EDNRB: variants seen among roughly 807,000 people sequenced by gnomAD.
The protein encoded by EDNRB is endothelin receptor type B, also known as Hirschsprung disease 2.
Under a neutral mutation model 46.4 loss-of-function variants are expected in EDNRB, and 18 were observed. The observed-to-expected ratio is 0.39, with a 90% CI of 0.27 to 0.57. The LOEUF (loss-of-function observed/expected upper bound fraction) is 0.57. Ranked by LOEUF, EDNRB falls within the 20% of genes least tolerant of loss-of-function variation. EDNRB has a pLI of 0.61. For missense variants in EDNRB, 434 were observed against 537.5 expected (o/e 0.81, Z 1.90); for synonymous variants, 213 against 204.9 (o/e 1.04, Z -0.34).
At chr13:77,925,730 C>A (rs1008397347) in intron 1 of EDNRB, among the ~76,000 whole-genome samples, 1 of 152,238 alleles carries the variant, frequency 6.6e-6, no homozygotes, top group African/African-American at 2.4e-5. Context: ...GGAGCCCCCA[C>A]ACAGAGTCCC....
chr13:77,925,216 A>G (rs986886459), intron 1 of EDNRB, among the ~76,000 whole-genome samples: 17 of 152,268 alleles, frequency 1.1e-4, no homozygotes, highest in Non-Finnish European at 1.8e-4. Context: ...ATGGTGTAGC[A>G]TATGACAGGC....
intron 3 of EDNRB, 32 bp downstream of exon 3, chr13:77,903,124 G>A (rs778871426): frequency 6.2e-7 from 1 of 1,607,364 alleles, no homozygotes; most frequent in East Asian, 2.2e-5. Flanking sequence ...TAAGGCAAGA[G>A]CAGAAAGGAA....
Position 77,897,881 on chromosome 13 carries a change from C to T in EDNRB, c.*319G>A, listed in dbSNP as rs1299181813. The stretch of plus-strand genomic sequence containing the variant: ...TCTCTTTTTAGAAAGAATAGAAATT[C>T]TGAGTGAGCTCATTTTTAAGCCTAA... On this transcript the variant is annotated 3_prime_UTR_variant, in exon 7 of 7. Coordinates refer to ENST00000646607, the MANE Select transcript of EDNRB (RefSeq NM_001122659.3). 1 of 1,045,612 alleles carries T rather than the reference C, an allele frequency of 9.6e-7. No individual in the cohort carries two copies. The highest frequency in any genetic ancestry group is 8.3e-5 in the East Asian group (1 of 12,000). The allele number at this position is 1,045,612 out of a possible 1,614,324, so 64.8% of individuals were successfully genotyped here. A position where few individuals can be genotyped will look rare whatever the true frequency, so the allele number is the denominator to read the frequency against.
chr13:77,954,779 T>TTAC (rs1171978253), intron 1 of EDNRB, among the ~76,000 whole-genome samples: 1 of 152,156 alleles, frequency 6.6e-6, no homozygotes, highest in Non-Finnish European at 1.5e-5. Context: ...AGTGCTGGGA[T>TTAC]TACAGGTGTG....
Position 77,941,570 on chromosome 13 carries a change from C to A in EDNRB, c.-51-22946G>T, listed in dbSNP as rs1346083328. Reference sequence around the variant, plus strand: ...ATTAGCTAGCTCATTTTCCTCACAGCAGCTTCATATCTATTTTACAGATGA... The same window carrying A: ...ATTAGCTAGCTCATTTTCCTCACAGAAGCTTCATATCTATTTTACAGATGA... On this transcript the variant is annotated intron_variant, in intron 1 of 7. Coordinates refer to the EDNRB transcript ENST00000646948. Among the ~76,000 whole-genome samples the A allele has an allele frequency of 3.3e-5, 5 of 152,198 alleles. No homozygotes were observed. The East Asian group carries it at 5.8e-4, about 18-fold the overall frequency.
At chr13:77,949,378 AG>A (rs1262130614) in intron 1 of EDNRB, among the ~76,000 whole-genome samples, 1 of 152,182 alleles carries the variant, frequency 6.6e-6, no homozygotes, top group East Asian at 1.9e-4. Flanking sequence ...GTCTGAGATG[AG>A]GGTTCCCTGT....
chr13:77,906,418 C>T (rs562138704), intron 1 of EDNRB, among the ~76,000 whole-genome samples: 2 of 152,148 alleles, frequency 1.3e-5, no homozygotes, highest in Admixed American at 1.3e-4. Context: ...ATTTCCCTGC[C>T]TTTGAATGTG....
At chr13:77,968,882 G>A (rs1260865932) in intron 1 of EDNRB, among the ~76,000 whole-genome samples, 1 of 152,038 alleles carries the variant, frequency 6.6e-6, no homozygotes. Context: ...ATTTTTTTCA[G>A]GTCTCAGATT....
intron 1 of EDNRB, among the ~76,000 whole-genome samples, chr13:77,951,347 A>C (rs79689465): frequency 2.6e-5 from 4 of 152,178 alleles, no homozygotes; most frequent in African/African-American, 4.8e-5. Context: ...AGTGCTTCTC[A>C]ATCACACCTA....
chr13:77,906,865 C>A (rs2329046), intron 1 of EDNRB, among the ~76,000 whole-genome samples: 82,120 of 151,778 alleles, frequency 0.54, 22,986 homozygotes, highest in Non-Finnish European at 0.62. Context: ...TTAGGAAACC[C>A]ACATGCCTGC....
At chr13:77,929,430 C>A (rs566030131) in intron 1 of EDNRB, among the ~76,000 whole-genome samples, 2 of 152,258 alleles carry the variant, frequency 1.3e-5, no homozygotes, top group East Asian at 3.9e-4. Flanking sequence ...CATAATGTAA[C>A]GTATGTCCTC....
intron 1 of EDNRB, among the ~76,000 whole-genome samples, chr13:77,962,652 A>G (rs1370007666): frequency 6.6e-6 from 1 of 152,196 alleles, no homozygotes; most frequent in Non-Finnish European, 1.5e-5. Flanking sequence ...TGACAAACTC[A>G]CAGCCAGTAT....
intron 1 of EDNRB, among the ~76,000 whole-genome samples, chr13:77,966,827 T>G (rs1223449634): frequency 6.6e-6 from 1 of 152,196 alleles, no homozygotes; most frequent in Admixed American, 6.5e-5. Context: ...TTTGTGCAGT[T>G]TATTAGCAGT....
chr13:77,961,202 A>G (rs991075770), intron 1 of EDNRB, among the ~76,000 whole-genome samples: 21 of 152,130 alleles, frequency 1.4e-4, no homozygotes, highest in Admixed American at 4.6e-4. Flanking sequence ...CCTAATAGAC[A>G]TCTACAGAAC....
intron 1 of EDNRB, among the ~76,000 whole-genome samples, chr13:77,936,369 C>T (rs1031816355): frequency 6.6e-6 from 1 of 152,044 alleles, no homozygotes; most frequent in African/African-American, 2.4e-5. Flanking sequence ...TAAGTTGGCA[C>T]CAGAGTTGGG....
intron 1 of EDNRB, among the ~76,000 whole-genome samples, chr13:77,937,279 G>A (rs1880596042): frequency 6.6e-6 from 1 of 152,152 alleles, no homozygotes; most frequent in South Asian, 2.1e-4. Flanking sequence ...GCTATACCTG[G>A]GGAATTTGCC....
chr13:77,914,092 G>A (rs1879701829), intron 1 of EDNRB, among the ~76,000 whole-genome samples: 1 of 152,136 alleles, frequency 6.6e-6, no homozygotes, highest in Non-Finnish European at 1.5e-5. Flanking sequence ...AATACCAAGA[G>A]TACAAGAATA....
At chr13:77,959,214 T>A (rs1297890336) in intron 1 of EDNRB, among the ~76,000 whole-genome samples, 1 of 152,170 alleles carries the variant, frequency 6.6e-6, no homozygotes, top group Non-Finnish European at 1.5e-5. Context: ...AGCACGGAGT[T>A]TGAGGTCTGA....
At chr13:77,919,523 G>A (rs1880002800), upstream of EDNRB, 1 of 1,612,698 alleles carries the variant, frequency 6.2e-7, no homozygotes, top group Non-Finnish European at 8.5e-7. Flanking sequence ...AGGCGGGTCC[G>A]GCTCTGACGA....
Sources: gnomAD v4.1 joint callset for allele counts (sites outside exome capture counted in the v4.1 genomes callset) on GRCh38, gnomAD v4.1.1 for gene constraint, MANE v1.5 for transcripts, NCBI Gene and HGNC (gene_info 2026-07-23, HGNC 2026-07-21) for gene names.